LONP2: variants seen among roughly 807,000 people sequenced by gnomAD.
LONP2 encodes lon peptidase 2, peroxisomal, also known as lon protease homolog 2, peroxisomal.
Under a neutral mutation model 85.6 loss-of-function variants are expected in LONP2, and 60 were observed. That is an observed-to-expected ratio of 0.70 (90% CI 0.57 to 0.87). The LOEUF (loss-of-function observed/expected upper bound fraction) is 0.87. Ranked by LOEUF, LONP2 falls within the 40% of genes least tolerant of loss-of-function variation. The pLI, the probability that LONP2 is intolerant of heterozygous loss-of-function variation, is 0.00. For missense variants in LONP2, 860 were observed against 1,063.5 expected (o/e 0.81, Z 2.66); for synonymous variants, 395 against 389.7 (o/e 1.01, Z -0.16).
intron 11 of LONP2, among the ~76,000 whole-genome samples, chr16:48,326,789 C>T (rs1959249098): frequency 6.6e-6 from 1 of 152,238 alleles, no homozygotes. Context: ...TATCCTTCCT[C>T]CTTACTTCCC....
chr16:48,278,845 C>G (rs1229849650), intron 8 of LONP2, among the ~76,000 whole-genome samples: 1 of 151,848 alleles, frequency 6.6e-6, no homozygotes, highest in Non-Finnish European at 1.5e-5. Flanking sequence ...ATGACTTTTC[C>G]CCTTTATTTT....
At chr16:48,304,021 A>G (rs1972862354) in intron 11 of LONP2, among the ~76,000 whole-genome samples, 1 of 152,210 alleles carries the variant, frequency 6.6e-6, no homozygotes, top group Admixed American at 6.5e-5. Context: ...ATATCCTCAC[A>G]GACACACTGG....
intron 8 of LONP2, among the ~76,000 whole-genome samples, chr16:48,287,656 A>G (rs1364679648): frequency 6.6e-6 from 1 of 152,170 alleles, no homozygotes; most frequent in Non-Finnish European, 1.5e-5. Flanking sequence ...TTTCACAGCT[A>G]CTGGGGTTAT....
At chr16:48,270,337 T>C (rs1972078040) in intron 7 of LONP2, 63 bp downstream of exon 7, 1 of 1,560,146 alleles carries the variant, frequency 6.4e-7, no homozygotes, top group Non-Finnish European at 8.8e-7. Flanking sequence ...TAGAGCTCCC[T>C]AAAAGCTTAG....
At chr16:48,283,333 A>T (rs1020307891) in intron 8 of LONP2, among the ~76,000 whole-genome samples, 3 of 152,254 alleles carry the variant, frequency 2.0e-5, no homozygotes, top group African/African-American at 7.2e-5. Flanking sequence ...TAGATGAAAC[A>T]GCCTTATTTT....
chr16:48,348,004 C>T (rs113191274), intron 13 of LONP2, 96 bp from the exon 14 acceptor site: 22 of 1,163,494 alleles, frequency 1.9e-5, no homozygotes, highest in Non-Finnish European at 2.7e-5. Flanking sequence ...AATTCATTTA[C>T]CCAAAACATT....
At chr16:48,299,582 TA>T (rs767557935) in intron 9 of LONP2, 79 bp from the exon 10 acceptor site, 32,512 of 1,150,666 alleles carry the variant, frequency 0.028, 30 homozygotes, top group Non-Finnish European at 0.031. Flanking sequence ...ACTCTGTCTC[TA>T]AAAAAAAAAA....
chr16:48,290,666 T>A lies in LONP2; in HGVS notation c.1384-5349T>A, dbSNP rs549245089. Among the ~76,000 whole-genome samples, 35 of 152,324 alleles carry A rather than the reference T, an allele frequency of 2.3e-4. No homozygotes were observed. In the South Asian group the frequency reaches 6.4e-3, roughly 28 times the overall value. On this transcript the variant is annotated intron_variant, in intron 8 of 14. Transcript: ENST00000285737. ...CAAACAAACAGCACAGGAGCTTCCA[T>A]CCCAGTGAAGTCAGGGTCCACCAGT...
chr16:48,317,457 A>AG (rs1347251113), intron 11 of LONP2, among the ~76,000 whole-genome samples: 4 of 152,190 alleles, frequency 2.6e-5, no homozygotes, highest in Non-Finnish European at 5.9e-5. Context: ...CAAAGAAAAG[A>AG]GGGGGAAAAA....
intron 11 of LONP2, among the ~76,000 whole-genome samples, chr16:48,306,153 A>G (rs996199678): frequency 2.0e-5 from 3 of 152,216 alleles, no homozygotes; most frequent in African/African-American, 7.2e-5. Flanking sequence ...TGTCTGATAT[A>G]ACAGAAGGTA....
At position 48,348,078 on chromosome 16, in the gene LONP2, AG is replaced by A. The variant is rs1441906811; in HGVS notation, c.2147-21del. 3 of 1,571,048 alleles carry A rather than the reference AG, an allele frequency of 1.9e-6. No individual in the cohort carries two copies. The African/African-American group carries it at 4.2e-5, about 22-fold the overall frequency. On this transcript the variant is annotated intron_variant, in intron 13 of 14. Transcript: ENST00000285737. ...AACAGGTTTAATTTTTCTACATTAA[AG>A]TCCCTTTTTCCTTTTTAAAGCTTTT...
chr16:48,252,875 TTAATTC>T (rs1051767138), intron 2 of LONP2, among the ~76,000 whole-genome samples: 5 of 152,222 alleles, frequency 3.3e-5, no homozygotes, highest in Admixed American at 1.3e-4. Context: ...ATTTGACTCT[TTAATTC>T]TAGTTCTTTT....
intron 8 of LONP2, among the ~76,000 whole-genome samples, chr16:48,283,610 C>T (rs140201056): frequency 1.1e-4 from 16 of 152,230 alleles, no homozygotes; most frequent in Admixed American, 5.9e-4. Flanking sequence ...ACTTTAAGCC[C>T]ACTGTTGAAA....
chr16:48,251,887 A>G (rs1227257965), intron 1 of LONP2, among the ~76,000 whole-genome samples: 1 of 152,226 alleles, frequency 6.6e-6, no homozygotes, highest in Non-Finnish European at 1.5e-5. Context: ...AGTGTTTACA[A>G]ATTCCTACCT....
chr16:48,357,058 C>T lies in LONP2; in HGVS notation c.*5256C>T, dbSNP rs192617229. On this transcript the variant is annotated 3_prime_UTR_variant, in exon 15 of 15. Coordinates refer to ENST00000285737, the MANE Select transcript of LONP2 (RefSeq NM_031490.5). ...AGTTTCTAGAGCTATATAAGGATAG[C>T]GAAAATATTTGGTTCAGCAAGACAC... 4 of 152,506 alleles carry T rather than the reference C, an allele frequency of 2.6e-5. No homozygotes were observed. Among genetic ancestry groups the T allele is most frequent in the African/African-American group, 7.2e-5 (3 of 41,520 alleles). 9.4% of individuals were successfully genotyped at this position (152,506 alleles called of 1,614,324 possible).
At chr16:48,309,185 A>C (rs1972977557) in intron 11 of LONP2, among the ~76,000 whole-genome samples, 1 of 152,222 alleles carries the variant, frequency 6.6e-6, no homozygotes, top group Admixed American at 6.5e-5. Flanking sequence ...GAGTGCTTAT[A>C]TAGTGCTGGG....
At chr16:48,261,647 C>T (rs1195210877) in intron 5 of LONP2, 60 bp downstream of exon 5, 2 of 1,225,022 alleles carry the variant, frequency 1.6e-6, no homozygotes, top group African/African-American at 3.1e-5. Context: ...CTGATTAACA[C>T]CACTTTCACT....
At position 48,262,877 on chromosome 16, in the gene LONP2, G is replaced by A; in HGVS notation, c.982+5G>A. 1 of 1,581,552 alleles carries A rather than the reference G, an allele frequency of 6.3e-7. No individual in the cohort carries two copies. The highest frequency in any genetic ancestry group is 8.7e-7 in the Non-Finnish European group (1 of 1,155,264). Reference sequence around the variant, plus strand: ...CTTGGAACAAAAGTACAACTGGTAAGCCAAAAAATAACACCTGTTTTGCAG... The same window carrying A: ...CTTGGAACAAAAGTACAACTGGTAAACCAAAAAATAACACCTGTTTTGCAG... On this transcript the variant is annotated splice_donor_5th_base_variant and intron_variant, in intron 6 of 14. Coordinates refer to ENST00000285737, the MANE Select transcript of LONP2 (RefSeq NM_031490.5).
intron 1 of LONP2, among the ~76,000 whole-genome samples, chr16:48,251,624 G>C (rs1159322755): frequency 2.0e-5 from 3 of 152,142 alleles, no homozygotes; most frequent in African/African-American, 7.2e-5. Flanking sequence ...GTATGTGATG[G>C]CAGCTTGTGA....
Sources: gnomAD v4.1 joint callset for allele counts (sites outside exome capture counted in the v4.1 genomes callset) on GRCh38, gnomAD v4.1.1 for gene constraint, MANE v1.5 for transcripts, NCBI Gene and HGNC (gene_info 2026-07-23, HGNC 2026-07-21) for gene names.